NDST4: variants seen among roughly 807,000 people sequenced by gnomAD.
The protein encoded by NDST4 is N-heparan sulfate sulfotransferase 4.
A neutral mutation model predicts 100.8 loss-of-function variants in NDST4; 63 were observed. The observed-to-expected ratio is 0.62, with a 90% CI of 0.51 to 0.77. The LOEUF (loss-of-function observed/expected upper bound fraction) is 0.77, where lower values mean the gene tolerates loss of function less well. NDST4 is among the 30% of genes least tolerant of loss of function. The pLI, the probability that NDST4 is intolerant of heterozygous loss-of-function variation, is 0.00. For synonymous variants in NDST4, 377 were observed against 361.8 expected, an observed-to-expected ratio of 1.04 and a Z score of -0.48; for missense variants, 943 against 1,018.4, an observed-to-expected ratio of 0.93 and a Z score of 1.01.
chr4:114,960,303 T>C (rs940969547), intron 4 of NDST4, among the ~76,000 whole-genome samples: 6 of 152,074 alleles, frequency 3.9e-5, no homozygotes, highest in Admixed American at 1.3e-4. Flanking sequence ...AGAGAGTAAT[T>C]TGAATCAACA....
At chr4:115,014,424 T>C (rs1727630521) in intron 2 of NDST4, among the ~76,000 whole-genome samples, 1 of 152,054 alleles carries the variant, frequency 6.6e-6, no homozygotes, top group Non-Finnish European at 1.5e-5. Flanking sequence ...CAGTAAAATG[T>C]TTAGGGGCTA....
At chr4:114,859,049 C>A (rs1412255383) in intron 7 of NDST4, among the ~76,000 whole-genome samples, 2 of 152,076 alleles carry the variant, frequency 1.3e-5, no homozygotes. Context: ...ACTTCCTTAC[C>A]CAGTTATAAC....
chr4:115,047,071 G>C (rs1728477680), intron 2 of NDST4, among the ~76,000 whole-genome samples: 1 of 151,852 alleles, frequency 6.6e-6, no homozygotes, highest in Non-Finnish European at 1.5e-5. Flanking sequence ...AAGATACAAT[G>C]AACAAAATCC....
At chr4:114,966,111 TG>T (rs1289539323) in intron 4 of NDST4, among the ~76,000 whole-genome samples, 1 of 152,070 alleles carries the variant, frequency 6.6e-6, no homozygotes, top group Non-Finnish European at 1.5e-5. Context: ...CGGTTGACTA[TG>T]CTTGTCATTA....
intron 2 of NDST4, among the ~76,000 whole-genome samples, chr4:115,067,851 A>G (rs963284991): frequency 1.1e-4 from 17 of 151,076 alleles, no homozygotes; most frequent in African/African-American, 3.9e-4. Flanking sequence ...CCATTAACTC[A>G]TCATTTATAT....
intron 7 of NDST4, among the ~76,000 whole-genome samples, chr4:114,858,298 C>T (rs1284199463): frequency 6.6e-6 from 1 of 152,198 alleles, no homozygotes; most frequent in East Asian, 1.9e-4. Flanking sequence ...ATTAACTCTC[C>T]TTCTCTGCCC....
chr4:114,890,691 A>G (rs1036818831), intron 6 of NDST4, among the ~76,000 whole-genome samples: 1 of 152,064 alleles, frequency 6.6e-6, no homozygotes, highest in South Asian at 2.1e-4. Flanking sequence ...TCTTCAGAAT[A>G]GAACAGTGTA....
chr4:115,030,609 G>A (rs554402034), intron 2 of NDST4, among the ~76,000 whole-genome samples: 1 of 152,116 alleles, frequency 6.6e-6, no homozygotes, highest in African/African-American at 2.4e-5. Context: ...TTATCCCATG[G>A]TGAAACTGAA....
intron 11 of NDST4, 45 bp from the exon 12 acceptor site, chr4:114,833,760 T>A: frequency 7.9e-7 from 1 of 1,259,482 alleles, no homozygotes; most frequent in Non-Finnish European, 1.1e-6. Context: ...AAAATTAAAT[T>A]GAATAGACTG....
chr4:114,834,519 A>AC (rs1216605085), intron 11 of NDST4, among the ~76,000 whole-genome samples: 1 of 151,708 alleles, frequency 6.6e-6, no homozygotes, highest in Non-Finnish European at 1.5e-5. Context: ...ATCTCAAAAA[A>AC]AAAAAAAAAA....
chr4:114,890,725 G>A (rs796066929), intron 6 of NDST4, among the ~76,000 whole-genome samples: 23 of 152,078 alleles, frequency 1.5e-4, no homozygotes, highest in African/African-American at 5.3e-4. Context: ...CTCTGTGTTC[G>A]AGTGGTACTC....
At chr4:114,878,714 G>C (rs11935037) in intron 6 of NDST4, among the ~76,000 whole-genome samples, 1 of 151,978 alleles carries the variant, frequency 6.6e-6, no homozygotes, top group Non-Finnish European at 1.5e-5. Context: ...CAAATGAGTC[G>C]AGGTATGCCA....
chr4:114,988,128 A>G (rs1217990457), intron 2 of NDST4, among the ~76,000 whole-genome samples: 1 of 152,040 alleles, frequency 6.6e-6, no homozygotes, highest in Admixed American at 6.6e-5. Context: ...AAATATATTT[A>G]GAATTAACAA....
At chr4:114,979,547 A>G (rs958148924) in intron 2 of NDST4, among the ~76,000 whole-genome samples, 32 of 151,774 alleles carry the variant, frequency 2.1e-4, no homozygotes, top group African/African-American at 7.7e-4. Flanking sequence ...CATTTTTCCA[A>G]TGGTAATATG....
chr4:115,079,551 T>A (rs1320974161), intron 1 of NDST4, among the ~76,000 whole-genome samples: 1 of 152,136 alleles, frequency 6.6e-6, no homozygotes, highest in East Asian at 1.9e-4. Flanking sequence ...TTTGCCAAAC[T>A]TTCCCTAGGA....
At chr4:115,095,534 ATT>A (rs1344361338) in intron 1 of NDST4, among the ~76,000 whole-genome samples, 7 of 151,832 alleles carry the variant, frequency 4.6e-5, no homozygotes, top group South Asian at 4.2e-4. Flanking sequence ...CTAATAGCCT[ATT>A]TTTCTTTTCT....
chr4:115,074,059 C>G (rs1171870447), intron 2 of NDST4, among the ~76,000 whole-genome samples: 1 of 151,770 alleles, frequency 6.6e-6, no homozygotes, highest in Non-Finnish European at 1.5e-5. Flanking sequence ...TTATATATTA[C>G]TCAATATATA....
intron 1 of NDST4, among the ~76,000 whole-genome samples, chr4:115,089,306 T>C (rs1729468183): frequency 6.6e-6 from 1 of 151,948 alleles, no homozygotes; most frequent in Non-Finnish European, 1.5e-5. Context: ...ATATTGATCG[T>C]CTCTGTTTTG....
intron 2 of NDST4, among the ~76,000 whole-genome samples, chr4:115,006,590 A>T (rs1355836912): frequency 1.3e-5 from 2 of 152,160 alleles, no homozygotes; most frequent in Non-Finnish European, 2.9e-5. Flanking sequence ...TAGGAATGAG[A>T]TTCACAGGCA....
Sources: gnomAD v4.1 joint callset for allele counts (sites outside exome capture counted in the v4.1 genomes callset) on GRCh38, gnomAD v4.1.1 for gene constraint, MANE v1.5 for transcripts, NCBI Gene and HGNC (gene_info 2026-07-23, HGNC 2026-07-21) for gene names.